The following TMEM150C variants were observed in gnomAD, a reference collection of about 807,000 sequenced individuals.
TMEM150C encodes transmembrane protein 150C.
Under a neutral mutation model 29.9 loss-of-function variants are expected in TMEM150C, and 10 were observed. The ratio of observed to expected loss-of-function variants is 0.33; its 90% CI spans 0.21 to 0.57. The LOEUF is 0.57. TMEM150C is among the 20% of genes least tolerant of loss of function. The pLI, the probability that TMEM150C is intolerant of heterozygous loss-of-function variation, is 0.88. For missense variants in TMEM150C, 251 were observed against 303.6 expected, an observed-to-expected ratio of 0.83 and a Z score of 1.29; for synonymous variants, 101 against 112.5, an observed-to-expected ratio of 0.90 and a Z score of 0.64.
intron 1 of TMEM150C, among the ~76,000 whole-genome samples, chr4:82,539,570 C>A (rs979365899): frequency 1.3e-5 from 2 of 151,926 alleles, no homozygotes; most frequent in Non-Finnish European, 2.9e-5. Context: ...CTCCTGCCTC[C>A]GACTCCCGAG....
chr4:82,547,538 G>A (rs1725427424), intron 1 of TMEM150C, among the ~76,000 whole-genome samples: 1 of 151,868 alleles, frequency 6.6e-6, no homozygotes, highest in South Asian at 2.1e-4. Flanking sequence ...GCAGGGAGCT[G>A]AGATTGCACC....
intron 1 of TMEM150C, among the ~76,000 whole-genome samples, chr4:82,506,033 G>A: frequency 6.6e-6 from 1 of 152,104 alleles, no homozygotes; most frequent in East Asian, 1.9e-4. Context: ...GCATCTCTAG[G>A]GAGATATCAA....
At chr4:82,538,345 G>A (rs574697139) in intron 1 of TMEM150C, among the ~76,000 whole-genome samples, 8 of 152,084 alleles carry the variant, frequency 5.3e-5, no homozygotes, top group East Asian at 3.9e-4. Context: ...GGCATGAGCC[G>A]CCGCACCCAG....
At chr4:82,522,475 A>G (rs932428667) in intron 1 of TMEM150C, among the ~76,000 whole-genome samples, 1 of 152,244 alleles carries the variant, frequency 6.6e-6, no homozygotes, top group Non-Finnish European at 1.5e-5. Context: ...ATTTGGGTAC[A>G]AAGGAAGTTC....
Position 82,526,912 on chromosome 4 carries a change from T to TC in TMEM150C, c.-10-22246dup, listed in dbSNP as rs1724670741. Among the ~76,000 whole-genome samples the TC allele has an allele frequency of 2.0e-5, 3 of 151,560 alleles. No homozygotes were observed. In the South Asian group the frequency reaches 6.2e-4, roughly 32 times the overall value. On this transcript the variant is annotated intron_variant, in intron 1 of 7. Transcript: ENST00000449862. ...TTCGGTTAAGAATCATGATTTTGTC[T>TC]CCCCTGGCATGTCTTCCCCGTGTAA...
At chr4:82,513,280 GT>G (rs545885394) in intron 1 of TMEM150C, among the ~76,000 whole-genome samples, 71 of 152,274 alleles carry the variant, frequency 4.7e-4, no homozygotes, top group South Asian at 2.7e-3. Flanking sequence ...GCCTCCACTG[GT>G]GATACCCAGG....
At chr4:82,504,452 C>G (rs1723835429) in intron 2 of TMEM150C, 126 bp downstream of exon 2, 7 of 622,508 alleles carry the variant, frequency 1.1e-5, no homozygotes, top group Non-Finnish European at 2.0e-5. Flanking sequence ...CTGCCTGACT[C>G]GGCCTCCCAA....
chr4:82,490,078 G>C lies in TMEM150C; in HGVS notation c.524C>G (p.Thr175Ser). Residue 175 changes from threonine (T) to serine (S), a missense_variant, in exon 7 of 8, where the codon ACT (threonine) becomes AGT (serine). Thr to Ser is a moderately conservative substitution (Grantham distance 58). Transcript: ENST00000449862. ...AAGGATACAGAGGACCACACAGAGAGTGATAGATGCCGACAGAATAACCCG... is the reference window on the plus strand; with the variant it reads ...AAGGATACAGAGGACCACACAGAGACTGATAGATGCCGACAGAATAACCCG... Reference protein sequence around the residue: ...IPRVILSASITLCVVLYFILM... With the variant: ...IPRVILSASISLCVVLYFILM... The C allele has an allele frequency of 1.2e-6, 2 of 1,614,016 alleles. No individual in the cohort carries two copies. Among genetic ancestry groups the C allele is most frequent in the Non-Finnish European group, 1.7e-6 (2 of 1,179,872 alleles).
At chr4:82,542,259 T>C (rs1039568117) in intron 1 of TMEM150C, among the ~76,000 whole-genome samples, 9 of 152,006 alleles carry the variant, frequency 5.9e-5, no homozygotes, top group South Asian at 2.1e-4. Context: ...TGTAAATAAA[T>C]AGAATGGGCC....
chr4:82,516,527 T>G lies in TMEM150C; in HGVS notation c.-10-11860A>C, dbSNP rs143684655. On this transcript the variant is annotated intron_variant, in intron 1 of 7. Transcript: ENST00000449862. ...GGGGATCATAATAGTACCTATTTCC[T>G]AGGGCTGTGGTGAAGATTAAGGGAG... is the stretch of plus-strand genomic sequence containing the variant. Among the ~76,000 whole-genome samples, 114 of 152,324 alleles carry G rather than the reference T, an allele frequency of 7.5e-4. 2 individuals carry two copies. The highest frequency in any genetic ancestry group is 2.6e-3 in the African/African-American group (106 of 41,558).
At position 82,561,920 on chromosome 4, in the gene TMEM150C, C is replaced by T. The variant is rs940895111; in HGVS notation, c.-25G>A. 1.1e-5 allele frequency: 11 copies of T among 1,032,296 alleles called. No homozygotes were observed. Among genetic ancestry groups the T allele is most frequent in the African/African-American group, 1.7e-5 (1 of 57,310 alleles). 63.9% of individuals were successfully genotyped at this position (1,032,296 alleles called of 1,614,324 possible). On this transcript the variant is annotated 5_prime_UTR_variant, in exon 1 of 8. Coordinates refer to ENST00000449862, the MANE Select transcript of TMEM150C (RefSeq NM_001080506.3). ...GCCGCGCCTACCTGCTCTGGTGCGGCGGGGCCGCTGTCGCCTCGAGGGGCT... is the reference window on the plus strand; with the variant it reads ...GCCGCGCCTACCTGCTCTGGTGCGGTGGGGCCGCTGTCGCCTCGAGGGGCT...
In TMEM150C at chr4:82,527,164, G is replaced by A. The variant is rs138651252; in HGVS notation, c.-10-22497C>T. On this transcript the variant is annotated intron_variant, in intron 1 of 7. Transcript: ENST00000449862. ...TGTCACCTTGGCTCACCTGATCTGT[G>A]TTTCCCAGAGTTTCCTTACCTGTGT... 5.1e-3 allele frequency among the ~76,000 whole-genome samples: 780 copies of A among 151,584 alleles called. 2 individuals are homozygous for A. The highest frequency in any genetic ancestry group is 7.5e-3 in the Non-Finnish European group (513 of 67,974).
intron 1 of TMEM150C, among the ~76,000 whole-genome samples, chr4:82,528,663 A>G (rs368495762): frequency 5.5e-5 from 8 of 146,548 alleles, no homozygotes; most frequent in Admixed American, 4.1e-4. Context: ...CAGTGGTGCA[A>G]TCTTGGCTCA....
chr4:82,507,899 A>G (rs577147339), intron 1 of TMEM150C, among the ~76,000 whole-genome samples: 229 of 150,668 alleles, frequency 1.5e-3, no homozygotes, highest in South Asian at 2.3e-3. Context: ...GCTGCACACC[A>G]CCACACCTGG....
At chr4:82,529,181 G>T (rs1447756196) in intron 1 of TMEM150C, among the ~76,000 whole-genome samples, 1 of 152,126 alleles carries the variant, frequency 6.6e-6, no homozygotes, top group African/African-American at 2.4e-5. Context: ...TGCCAAGGAA[G>T]GGGAATGGGA....
intron 1 of TMEM150C, among the ~76,000 whole-genome samples, chr4:82,520,885 C>G (rs1218829560): frequency 2.0e-5 from 3 of 152,106 alleles, no homozygotes; most frequent in African/African-American, 7.2e-5. Flanking sequence ...TAAAAATAAA[C>G]AAACAAAACA....
intron 1 of TMEM150C, among the ~76,000 whole-genome samples, chr4:82,548,816 G>A (rs1725468793): frequency 6.6e-6 from 1 of 152,176 alleles, no homozygotes; most frequent in African/African-American, 2.4e-5. Context: ...TGGTGAGGAG[G>A]CACTGCATGC....
intron 1 of TMEM150C, 83 bp downstream of exon 1, chr4:82,561,823 G>T: frequency 1.1e-6 from 1 of 941,630 alleles, no homozygotes; most frequent in Non-Finnish European, 1.3e-6. Flanking sequence ...CCCGGTCTCC[G>T]CCTGCGGGCT....
At chr4:82,539,947 T>C (rs1725142943) in intron 1 of TMEM150C, among the ~76,000 whole-genome samples, 1 of 151,904 alleles carries the variant, frequency 6.6e-6, no homozygotes, top group Non-Finnish European at 1.5e-5. Context: ...TCTTGCCAAA[T>C]TTAGAGATAC....
Sources: gnomAD v4.1 joint callset for allele counts (sites outside exome capture counted in the v4.1 genomes callset) on GRCh38, gnomAD v4.1.1 for gene constraint, MANE v1.5 for transcripts, NCBI Gene and HGNC (gene_info 2026-07-23, HGNC 2026-07-21) for gene names.